TTBK2: variants seen among roughly 807,000 people sequenced by gnomAD.
TTBK2 encodes tau tubulin kinase 2.
In TTBK2, 28 loss-of-function variants were observed where a neutral mutation model predicts 110.8. The observed-to-expected ratio is 0.25, with a 90% CI of 0.19 to 0.35. The LOEUF is 0.35. Among genes scored for constraint, TTBK2 ranks in the 10% least tolerant of loss-of-function variants. TTBK2 has a pLI of 1.00. For synonymous variants in TTBK2, 532 were observed against 527.3 expected (o/e 1.01, Z -0.12); for missense variants, 1,369 against 1,500.3 (o/e 0.91, Z 1.45).
chr15:42,776,588 A>C (rs1298686556), intron 12 of TTBK2, among the ~76,000 whole-genome samples: 1 of 152,238 alleles, frequency 6.6e-6, no homozygotes, highest in East Asian at 1.9e-4. Context: ...GGTCTTCACT[A>C]AAGTGAATTG....
intron 13 of TTBK2, among the ~76,000 whole-genome samples, chr15:42,761,645 C>T (rs901863275): frequency 4.0e-5 from 6 of 148,988 alleles, no homozygotes; most frequent in Non-Finnish European, 8.9e-5. Flanking sequence ...TCTACACAGA[C>T]ATTTCTCAAA....
chr15:42,887,100 C>G (rs556747764), intron 1 of TTBK2, among the ~76,000 whole-genome samples: 2 of 152,290 alleles, frequency 1.3e-5, no homozygotes, highest in African/African-American at 4.8e-5. Context: ...GTTTCCCTTG[C>G]CTTCATAAGT....
chr15:42,845,449 T>C (rs1180108375), intron 3 of TTBK2, among the ~76,000 whole-genome samples: 1 of 151,622 alleles, frequency 6.6e-6, no homozygotes, highest in Non-Finnish European at 1.5e-5. Flanking sequence ...GTGGATCACC[T>C]GAGGTCAGGA....
At chr15:42,842,703 T>A (rs1306938873) in intron 3 of TTBK2, among the ~76,000 whole-genome samples, 1 of 150,656 alleles carries the variant, frequency 6.6e-6, no homozygotes, top group Non-Finnish European at 1.5e-5. Context: ...CTGGGCAACA[T>A]AGCAAGACCC....
At chr15:42,841,438 G>A (rs979991176) in intron 3 of TTBK2, among the ~76,000 whole-genome samples, 6 of 151,820 alleles carry the variant, frequency 4.0e-5, no homozygotes, top group Admixed American at 6.6e-5. Flanking sequence ...CTCAAACTCC[G>A]GGGCTCAAGC....
chr15:42,897,161 G>C (rs1225889585), intron 1 of TTBK2, among the ~76,000 whole-genome samples: 2 of 152,108 alleles, frequency 1.3e-5, no homozygotes, highest in Non-Finnish European at 2.9e-5. Context: ...ACAGGTGTGA[G>C]CCACTGCACC....
chr15:42,800,994 A>C, intron 9 of TTBK2: 1 of 762,214 alleles, frequency 1.3e-6, no homozygotes, highest in Non-Finnish European at 2.4e-6. Flanking sequence ...GGACTCAGAC[A>C]CTAGCTTCCC....
chr15:42,766,011 G>T (rs2140696682), intron 13 of TTBK2, among the ~76,000 whole-genome samples: 1 of 152,230 alleles, frequency 6.6e-6, no homozygotes, highest in Non-Finnish European at 1.5e-5. Context: ...TTCATATCCA[G>T]CCAAACTAAG....
intron 2 of TTBK2, 85 bp downstream of exon 2, chr15:42,878,464 G>T (rs1894905167): frequency 1.3e-6 from 2 of 1,587,682 alleles, no homozygotes; most frequent in South Asian, 1.1e-5. Flanking sequence ...TTTTTATCAG[G>T]ATACCAAAAA....
At chr15:42,853,959 G>A (rs1322755696) in intron 3 of TTBK2, among the ~76,000 whole-genome samples, 1 of 151,822 alleles carries the variant, frequency 6.6e-6, no homozygotes, top group East Asian at 1.9e-4. Flanking sequence ...ACTTAGACAC[G>A]GGGTCTCACT....
chr15:42,767,695 T>C (rs975868659), intron 13 of TTBK2, among the ~76,000 whole-genome samples: 30 of 152,204 alleles, frequency 2.0e-4, no homozygotes, highest in African/African-American at 7.2e-4. Flanking sequence ...AAAGAGGAGC[T>C]GGTACCATTC....
intron 3 of TTBK2, among the ~76,000 whole-genome samples, chr15:42,861,793 T>C (rs1167752389): frequency 6.6e-6 from 1 of 151,850 alleles, no homozygotes; most frequent in African/African-American, 2.4e-5. Flanking sequence ...AAATGATCAA[T>C]GAAATAAAGA....
intron 1 of TTBK2, among the ~76,000 whole-genome samples, chr15:42,907,857 G>A (rs901332756): frequency 4.6e-5 from 7 of 150,558 alleles, no homozygotes; most frequent in Non-Finnish European, 7.4e-5. Flanking sequence ...ATGGACTTGA[G>A]CCCAGGAGTA....
intron 3 of TTBK2, among the ~76,000 whole-genome samples, chr15:42,868,793 C>A (rs1472068161): frequency 1.3e-5 from 2 of 151,768 alleles, no homozygotes; most frequent in Middle Eastern, 6.8e-3. Flanking sequence ...GCCACAGGAT[C>A]GAGGCTGCAG....
chr15:42,808,244 T>C (rs1282313277), intron 9 of TTBK2, among the ~76,000 whole-genome samples: 2 of 152,252 alleles, frequency 1.3e-5, no homozygotes, highest in Admixed American at 6.5e-5. Context: ...GGATGAGGTG[T>C]TGGCCATGTG....
chr15:42,918,193 A>G (rs1191881642), intron 1 of TTBK2, among the ~76,000 whole-genome samples: 2 of 152,048 alleles, frequency 1.3e-5, no homozygotes, highest in Non-Finnish European at 2.9e-5. Flanking sequence ...TCTCCCTAGT[A>G]GCTGGAACCA....
chr15:42,891,626 G>A (rs1270963636), intron 1 of TTBK2, among the ~76,000 whole-genome samples: 1 of 152,156 alleles, frequency 6.6e-6, no homozygotes, highest in Admixed American at 6.5e-5. Context: ...GGCTCCACAA[G>A]TAGAGAAGCT....
At chr15:42,751,731 G>A (rs951419576) in intron 14 of TTBK2, among the ~76,000 whole-genome samples, 2 of 152,224 alleles carry the variant, frequency 1.3e-5, no homozygotes, top group African/African-American at 2.4e-5. Flanking sequence ...GTGACAGAGC[G>A]AGACTCTGTC....
At chr15:42,786,837 A>C (rs1346994278) in intron 10 of TTBK2, among the ~76,000 whole-genome samples, 1 of 152,078 alleles carries the variant, frequency 6.6e-6, no homozygotes, top group Non-Finnish European at 1.5e-5. Context: ...ACTCTGATCC[A>C]AATCTTGAGT....
Sources: gnomAD v4.1 joint callset for allele counts (sites outside exome capture counted in the v4.1 genomes callset) on GRCh38, gnomAD v4.1.1 for gene constraint, MANE v1.5 for transcripts, NCBI Gene and HGNC (gene_info 2026-07-23, HGNC 2026-07-21) for gene names.